Variants in ERAP1 observed in about 807,000 individuals in gnomAD.
ERAP1 encodes endoplasmic reticulum aminopeptidase 1, also known as adipocyte-derived leucine aminopeptidase.
In ERAP1, 86 loss-of-function variants were observed where a neutral mutation model predicts 103.7. The ratio of observed to expected loss-of-function variants is 0.83; its 90% CI spans 0.70 to 0.99. ERAP1 has a LOEUF of 0.99. Among genes scored for constraint, ERAP1 ranks in the 50% least tolerant of loss-of-function variants. The probability of loss-of-function intolerance (pLI) is 0.00; values close to 1 mark genes in which losing one functional copy is unlikely to be tolerated. For synonymous variants in ERAP1, 398 were observed against 402.4 expected (o/e 0.99, Z 0.13); for missense variants, 1,009 against 1,128.4 (o/e 0.89, Z 1.52).
the ERAP1 span, among the ~76,000 whole-genome samples, chr5:96,922,216 C>G: frequency 6.6e-6 from 1 of 152,062 alleles, no homozygotes; most frequent in African/African-American, 2.4e-5. Context: ...GAGAATGGCA[C>G]GAACCCGGGA....
At chr5:96,830,942 T>A in the ERAP1 span, among the ~76,000 whole-genome samples, 1 of 152,354 alleles carries the variant, frequency 6.6e-6, no homozygotes, top group Middle Eastern at 3.4e-3. Context: ...GCAGCAGGCA[T>A]CTGCAGAACC....
the ERAP1 span, chr5:96,889,092 TAC>T: frequency 2.1e-6 from 3 of 1,448,674 alleles, no homozygotes; most frequent in South Asian, 2.5e-5. Context: ...CTTGAAAAGA[TAC>T]AGTCTGCCTT....
At chr5:96,768,154 G>A (rs1770728289) in intron 19 of ERAP1, among the ~76,000 whole-genome samples, 2 of 152,202 alleles carry the variant, frequency 1.3e-5, no homozygotes, top group Non-Finnish European at 2.9e-5. Flanking sequence ...TGTGATCTCA[G>A]CTTACTGCGA....
At chr5:96,826,993 G>A in the ERAP1 span, among the ~76,000 whole-genome samples, 491 of 152,264 alleles carry the variant, frequency 3.2e-3, 2 homozygotes, top group African/African-American at 0.011. Context: ...AAGCTCAAAT[G>A]TCCATGGTAT....
rs1322028344 is a variant in ERAP1 at position 96,795,085 on chromosome 5, A to G, written c.876T>C (p.Phe292=). 1 of 1,613,896 alleles carries G rather than the reference A, an allele frequency of 6.2e-7. No homozygotes were observed. The highest frequency in any genetic ancestry group is 1.3e-5 in the African/African-American group (1 of 74,892). ...ACGGTATGCTGAAATAATCCTCATA[A>G]AATTCTAGAAGAGTCACCGCAGCAT... ...ALDAAVTLLE[F]YEDYFSIPYP... Residue 292 remains phenylalanine, a synonymous_variant, in exon 5 of 19, where the codon TTT becomes TTC. Coordinates refer to ENST00000443439, the MANE Select transcript of ERAP1 (RefSeq NM_001040458.3).
At chr5:96,851,511 AATG>A in the ERAP1 span, among the ~76,000 whole-genome samples, 1 of 152,180 alleles carries the variant, frequency 6.6e-6, no homozygotes, top group Non-Finnish European at 1.5e-5. Context: ...TTGATTGAGA[AATG>A]ATGTCAAGCA....
the ERAP1 span, chr5:96,879,837 G>T: frequency 3.1e-6 from 5 of 1,613,926 alleles, no homozygotes; most frequent in Non-Finnish European, 3.4e-6. Flanking sequence ...GAGGATCCTG[G>T]GGCTTTCCCA....
At chr5:96,771,888 T>A, downstream of ERAP1, 1 of 427,734 alleles carries the variant, frequency 2.3e-6, no homozygotes, top group Non-Finnish European at 4.2e-6. Flanking sequence ...ATGGGATGAG[T>A]TTGCTATTGA....
At chr5:96,794,157 C>T (rs1777058748) in intron 5 of ERAP1, among the ~76,000 whole-genome samples, 200 bp from the exon 6 acceptor site, 1 of 134,112 alleles carries the variant, frequency 7.5e-6, no homozygotes, top group Non-Finnish European at 1.6e-5. Context: ...CAAAGTCAGA[C>T]TTGCATCTCA....
intron 2 of ERAP1, 66 bp from the exon 3 acceptor site, chr5:96,801,066 G>C: frequency 6.5e-7 from 1 of 1,549,878 alleles, no homozygotes; most frequent in Non-Finnish European, 8.9e-7. Context: ...ACAGGTGTTT[G>C]CTTTTTAATT....
chr5:96,922,402 G>A, the ERAP1 span, among the ~76,000 whole-genome samples: 2 of 152,182 alleles, frequency 1.3e-5, no homozygotes, highest in Non-Finnish European at 2.9e-5. Context: ...AGGATAGAAA[G>A]AACACTCTTT....
At chr5:96,893,150 C>T in the ERAP1 span, among the ~76,000 whole-genome samples, 647 of 152,254 alleles carry the variant, frequency 4.2e-3, 6 homozygotes, top group African/African-American at 0.015. Context: ...CATCTATCAA[C>T]ACTGTATTAC....
chr5:96,795,004 A>G (rs1777186094), intron 5 of ERAP1, 38 bp downstream of exon 5: 1 of 1,611,820 alleles, frequency 6.2e-7, no homozygotes, highest in African/African-American at 1.3e-5. Flanking sequence ...GACTGTGTTC[A>G]TCAAATGTCA....
At chr5:96,786,429 A>C in intron 12 of ERAP1, 41 bp downstream of exon 12, 1 of 1,326,600 alleles carries the variant, frequency 7.5e-7, no homozygotes, top group Non-Finnish European at 1.1e-6. Context: ...ACATTTTCAC[A>C]TTCCTCCTTG....
At chr5:96,903,243 A>C in the ERAP1 span, 1 of 642,016 alleles carries the variant, frequency 1.6e-6, no homozygotes, top group Admixed American at 3.4e-5. Context: ...TACGAAAATG[A>C]ATATCATTAT....
At chr5:96,819,522 T>A in the ERAP1 span, among the ~76,000 whole-genome samples, 1 of 152,074 alleles carries the variant, frequency 6.6e-6, no homozygotes, top group South Asian at 2.1e-4. Context: ...TGTGTGTGTG[T>A]GAGAGAGAGA....
intron 2 of ERAP1, 58 bp downstream of exon 2, chr5:96,803,345 T>C: frequency 6.6e-7 from 1 of 1,509,864 alleles, no homozygotes; most frequent in Non-Finnish European, 9.1e-7. Flanking sequence ...CAATCTGAAA[T>C]AATGAATTTA....
chr5:96,806,873 T>C (rs111697390), intron 1 of ERAP1, among the ~76,000 whole-genome samples: 2,804 of 149,596 alleles, frequency 0.019, 85 homozygotes, highest in African/African-American at 0.064. Flanking sequence ...AGTACTAGAA[T>C]GTTTCTATTC....
At chr5:96,845,106 G>A in the ERAP1 span, among the ~76,000 whole-genome samples, 5 of 152,062 alleles carry the variant, frequency 3.3e-5, no homozygotes, top group African/African-American at 1.2e-4. Context: ...AAGTTTTAGC[G>A]GTGATTATAT....
Sources: allele counts gnomAD v4.1 joint callset (sites outside exome capture counted in the v4.1 genomes callset), GRCh38; gene constraint gnomAD v4.1.1; transcripts MANE v1.5; gene names NCBI Gene and HGNC (gene_info 2026-07-23, HGNC 2026-07-21).